The following SNRNP70 variants were observed in gnomAD, a reference collection of about 807,000 sequenced individuals.
SNRNP70 encodes the protein small nuclear ribonucleoprotein U1 subunit 70.
A neutral mutation model predicts 50.5 loss-of-function variants in SNRNP70; 8 were observed. The observed-to-expected ratio is 0.16, with a 90% CI of 0.09 to 0.29. The LOEUF is 0.29. Among genes scored for constraint, SNRNP70 ranks in the 10% least tolerant of loss-of-function variants. The pLI is 1.00. For missense variants in SNRNP70, 529 were observed against 663.5 expected (o/e 0.80, Z 2.23); for synonymous variants, 320 against 252.9 (o/e 1.27, Z -2.52).
intron 4 of SNRNP70, among the ~76,000 whole-genome samples, chr19:49,095,604 G>T (rs1262958946): frequency 6.7e-6 from 1 of 149,392 alleles, no homozygotes; most frequent in South Asian, 2.1e-4. Flanking sequence ...GCACGATCTC[G>T]GTTTACTGCA....
chr19:49,108,007 G>C lies in SNRNP70; in HGVS notation c.878G>C (p.Ser293Thr). The C allele has an allele frequency of 6.5e-7, 1 of 1,547,876 alleles. No homozygotes were observed. Among genetic ancestry groups the C allele is most frequent in the Non-Finnish European group, 8.7e-7 (1 of 1,146,178 alleles). ...GACCGGGACCGGAAGCGGCGAAGCA[G>C]CCGGAGTCGGGAGCGGGCCCGGCGG... ...DKDRDRKRRS[S>T]RSRERARRER... The change falls in exon 10 of 10, where the codon AGC becomes ACC. Residue 293 changes from serine to threonine, a missense_variant. Physicochemically the swap from Ser to Thr is moderately conservative, Grantham distance 58. Transcript: ENST00000598441.
At chr19:49,099,123 A>G (rs1282322733) in intron 6 of SNRNP70, among the ~76,000 whole-genome samples, 4 of 152,100 alleles carry the variant, frequency 2.6e-5, no homozygotes, top group Admixed American at 1.3e-4. Flanking sequence ...TGTTTTACCA[A>G]TCTTCTTTTA....
At chr19:49,096,520 C>T (rs970855915) in intron 4 of SNRNP70, among the ~76,000 whole-genome samples, 35 of 152,142 alleles carry the variant, frequency 2.3e-4, no homozygotes, top group Non-Finnish European at 2.9e-5. Flanking sequence ...AATGCCAGCA[C>T]TTTGGGAGGC....
intron 6 of SNRNP70, among the ~76,000 whole-genome samples, chr19:49,099,497 G>A (rs542045077): frequency 2.5e-4 from 38 of 151,520 alleles, no homozygotes; most frequent in African/African-American, 8.2e-4. Context: ...TTGGGAGGCC[G>A]AGGTGGGCGG....
rs1461394589 is a variant in SNRNP70 at position 49,108,147 on chromosome 19, C to T, written c.1018C>T (p.Pro340Ser). ...TCCAGGGGAGCTCGGGCCTGACGGC[C>T]CTGACGGTCCAGAGGAAAAGGGCCG... ...GPPGELGPDG[P>S]DGPEEKGRDR... Residue 340 changes from proline to serine, a missense_variant, in exon 10 of 10, where the codon CCT (proline) becomes TCT (serine). Pro to Ser is a moderately conservative substitution (Grantham distance 74). Coordinates refer to ENST00000598441, the MANE Select transcript of SNRNP70 (RefSeq NM_003089.6). 1 of 1,543,224 alleles carries T rather than the reference C, an allele frequency of 6.5e-7. No individual in the cohort carries two copies.
chr19:49,105,939 G>A (rs1383234593), intron 8 of SNRNP70, among the ~76,000 whole-genome samples: 2 of 152,216 alleles, frequency 1.3e-5, no homozygotes, highest in Non-Finnish European at 2.9e-5. Context: ...GATTGACTCA[G>A]TGTTGGGCCT....
intron 4 of SNRNP70, among the ~76,000 whole-genome samples, chr19:49,096,928 G>A (rs1308082389): frequency 4.6e-5 from 7 of 152,038 alleles, no homozygotes; most frequent in East Asian, 1.9e-4. Context: ...TCAGGAGTTC[G>A]AGACCAGCCT....
At chr19:49,106,543 C>T (rs1397761101) in intron 8 of SNRNP70, among the ~76,000 whole-genome samples, 5 of 152,134 alleles carry the variant, frequency 3.3e-5, no homozygotes, top group Non-Finnish European at 5.9e-5. Flanking sequence ...GTGCCTGGTC[C>T]GCTGCCTGCT....
chr19:49,101,671 C>CGTGT (rs375331090), intron 7 of SNRNP70, 200 bp downstream of exon 7: 3 of 566,524 alleles, frequency 5.3e-6, no homozygotes, highest in African/African-American at 3.8e-5. Flanking sequence ...TCCCCCACAA[C>CGTGT]GTGTGTGTGT....
chr19:49,107,660 G>C lies in SNRNP70; in HGVS notation c.613G>C (p.Asp205His). Residue 205 changes from aspartate to histidine, a missense_variant, in exon 9 of 10, where the codon GAT (aspartate) becomes CAT (histidine). Physicochemically the swap from Asp to His is moderately conservative, Grantham distance 81. Transcript: ENST00000598441. The surrounding 1 kb of genome is among the most constrained non-coding windows in gnomAD (Gnocchi z 6.0). Reference protein sequence around the residue: ...GLGGTRRGGADVNIRHSGRDD... With the variant: ...GLGGTRRGGAHVNIRHSGRDD... ...CGGTGGTACCAGAAGAGGAGGGGCT[G>C]ATGTGAACATCCGGCATTCAGGCCG... is the stretch of plus-strand genomic sequence containing the variant. 6.2e-7 allele frequency: 1 copy of C among 1,614,136 alleles called. No homozygotes were observed. The highest frequency in any genetic ancestry group is 8.5e-7 in the Non-Finnish European group (1 of 1,180,006).
At chr19:49,105,740 A>AC (rs2040658553) in intron 8 of SNRNP70, among the ~76,000 whole-genome samples, 4 of 145,484 alleles carry the variant, frequency 2.7e-5, no homozygotes, top group Middle Eastern at 3.4e-3. Context: ...AAAAAAAAAA[A>AC]CAAAAAACAA....
chr19:49,097,094 C>G (rs1052080359), intron 4 of SNRNP70, among the ~76,000 whole-genome samples: 1 of 151,618 alleles, frequency 6.6e-6, no homozygotes, highest in Non-Finnish European at 1.5e-5. Context: ...TGCGCCATTG[C>G]ACTTTAAGCC....
At chr19:49,106,829 A>G (rs539280372) in intron 8 of SNRNP70, among the ~76,000 whole-genome samples, 45 of 152,106 alleles carry the variant, frequency 3.0e-4, no homozygotes, top group Non-Finnish European at 5.6e-4. Context: ...CCACCTTTCT[A>G]TACCAGCTGC....
rs1348186948 is a variant in SNRNP70 at position 49,108,384 on chromosome 19, G to A, written c.1255G>A (p.Gly419Ser). Reference protein sequence around the residue: ...DSRDMYMESEGGDGYLAPENG... With the variant: ...DSRDMYMESESGDGYLAPENG... ...CCGAGACATGTACATGGAGTCTGAG[G>A]GCGGCGACGGCTACCTGGCTCCGGA... Residue 419 changes from glycine (G) to serine (S), a missense_variant, in exon 10 of 10, where the codon GGC becomes AGC. Transcript: ENST00000598441. 2.5e-6 allele frequency: 4 copies of A among 1,611,520 alleles called. No individual in the cohort carries two copies. The highest frequency in any genetic ancestry group is 3.4e-6 in the Non-Finnish European group (4 of 1,178,966).
At position 49,108,218 on chromosome 19, in the gene SNRNP70, G is replaced by A; in HGVS notation, c.1089G>A (p.Glu363=). The A allele has an allele frequency of 6.5e-7, 1 of 1,534,594 alleles. No homozygotes were observed. The highest frequency in any genetic ancestry group is 8.8e-7 in the Non-Finnish European group (1 of 1,139,712). ...ERRRSHRSER[E]RRRDRDRDRD... is the part of the protein sequence containing the mutation. ...GGCGGAGCCACCGGAGCGAGCGCGA[G>A]CGGCGCCGGGACCGGGATCGTGACC... Residue 363 remains glutamate (E), a synonymous_variant, in exon 10 of 10, where the codon GAG becomes GAA. Transcript: ENST00000598441.
intron 4 of SNRNP70, 89 bp downstream of exon 4, chr19:49,090,609 A>G (rs1349493054): frequency 1.6e-6 from 2 of 1,245,804 alleles, no homozygotes; most frequent in African/African-American, 1.5e-5. Flanking sequence ...CTGTCTCCCT[A>G]AGGCCTGTGT....
chr19:49,087,101 A>T (rs1600268792), intron 2 of SNRNP70, among the ~76,000 whole-genome samples: 1 of 145,200 alleles, frequency 6.9e-6, no homozygotes, highest in East Asian at 2.0e-4. Flanking sequence ...AATCACTTGA[A>T]CCCAGGAGGC....
intron 2 of SNRNP70, among the ~76,000 whole-genome samples, chr19:49,088,482 A>C (rs1600270552): frequency 7.4e-6 from 1 of 134,316 alleles, no homozygotes; most frequent in Non-Finnish European, 1.6e-5. Flanking sequence ...TACAGACGTG[A>C]GCCACCGCAC....
rs372329674 is a variant in SNRNP70 at position 49,108,030 on chromosome 19, C to T, written c.901C>T (p.Arg301Trp). Residue 301 changes from arginine to tryptophan, a missense_variant, in exon 10 of 10, where the codon CGG becomes TGG. By Grantham distance (101) the Arg-to-Trp change is moderately radical. Around this residue, in one of 4 missense-constraint regions of SNRNP70, gnomAD observed 327 missense variants for 308.8 expected, o/e 1.06. Transcript: ENST00000598441. ...RSSRSRERAR[R>W]ERERKEELRG... Reference sequence around the variant, plus strand: ...CAGCCGGAGTCGGGAGCGGGCCCGGCGGGAGCGGGAGCGCAAGGAGGAGCT... The same window carrying T: ...CAGCCGGAGTCGGGAGCGGGCCCGGTGGGAGCGGGAGCGCAAGGAGGAGCT... The T allele has an allele frequency of 6.5e-7, 1 of 1,547,526 alleles. No homozygotes were observed. Among genetic ancestry groups the T allele is most frequent in the South Asian group, 1.2e-5 (1 of 83,990 alleles).
Sources: allele counts gnomAD v4.1 joint callset (sites outside exome capture counted in the v4.1 genomes callset), GRCh38; gene constraint gnomAD v4.1.1; regional missense constraint gnomAD v4.1.1; non-coding constraint Gnocchi (gnomAD v3.1); transcripts MANE v1.5; gene names NCBI Gene and HGNC (gene_info 2026-07-23, HGNC 2026-07-21).